ADAM32: variants seen among roughly 807,000 people sequenced by gnomAD.
The protein encoded by ADAM32 is disintegrin and metalloproteinase domain-containing protein 32.
Under a neutral mutation model 114.9 loss-of-function variants are expected in ADAM32, and 89 were observed. The ratio of observed to expected loss-of-function variants is 0.77; its 90% CI spans 0.65 to 0.92. The LOEUF is 0.92. Among genes scored for constraint, ADAM32 ranks in the 40% least tolerant of loss-of-function variants. The probability of loss-of-function intolerance (pLI) is 0.00; values close to 1 mark genes in which losing one functional copy is unlikely to be tolerated. For missense variants in ADAM32, 870 were observed against 932.8 expected (o/e 0.93, Z 0.88); for synonymous variants, 285 against 307.5 (o/e 0.93, Z 0.77).
chr8:39,157,756 T>C, intron 6 of ADAM32: 1 of 1,380,912 alleles, frequency 7.2e-7, no homozygotes, highest in Non-Finnish European at 1.0e-6. Context: ...CATGACAAAG[T>C]CATTGGTCAC....
chr8:39,187,623 C>A (rs1029219621), intron 11 of ADAM32, among the ~76,000 whole-genome samples: 2 of 151,834 alleles, frequency 1.3e-5, no homozygotes, highest in Non-Finnish European at 2.9e-5. Flanking sequence ...TTGTTTTAGA[C>A]AAGGTGTTTT....
At chr8:39,238,408 G>A (rs1282450000) in intron 16 of ADAM32, among the ~76,000 whole-genome samples, 1 of 152,178 alleles carries the variant, frequency 6.6e-6, no homozygotes, top group Non-Finnish European at 1.5e-5. Flanking sequence ...ATTACCCTGT[G>A]GGACAAAAGA....
chr8:39,176,763 T>G (rs1299724829), intron 10 of ADAM32, among the ~76,000 whole-genome samples: 3 of 152,156 alleles, frequency 2.0e-5, no homozygotes, highest in African/African-American at 7.2e-5. Context: ...GTCTCAATGA[T>G]TTGTCTAATA....
At chr8:39,227,114 GGACCCACA>G (rs998245270) in intron 14 of ADAM32, among the ~76,000 whole-genome samples, 6 of 152,112 alleles carry the variant, frequency 3.9e-5, no homozygotes, top group Non-Finnish European at 2.9e-5. Context: ...AATCCTGAGA[GGACCCACA>G]GACCCTCTAA....
chr8:39,161,282 T>C (rs1181605375), intron 7 of ADAM32, among the ~76,000 whole-genome samples: 1 of 152,230 alleles, frequency 6.6e-6, no homozygotes, highest in Non-Finnish European at 1.5e-5. Context: ...AATTCTATTT[T>C]AGGGAAGTTT....
intron 16 of ADAM32, among the ~76,000 whole-genome samples, chr8:39,243,578 A>T (rs1810702673): frequency 6.6e-6 from 1 of 152,202 alleles, no homozygotes; most frequent in South Asian, 2.1e-4. Context: ...AAAATCCAAC[A>T]TCGCTTTATG....
At chr8:39,235,544 T>C (rs943931207) in intron 16 of ADAM32, among the ~76,000 whole-genome samples, 11 of 152,186 alleles carry the variant, frequency 7.2e-5, no homozygotes, top group African/African-American at 2.7e-4. Context: ...ACCAATAAAG[T>C]CTTTGAGATG....
At position 39,142,451 on chromosome 8, in the gene ADAM32, T is replaced by C. The variant is rs1803220924; in HGVS notation, c.201-4679T>C. Among the ~76,000 whole-genome samples the C allele has an allele frequency of 2.6e-5, 4 of 152,200 alleles. No homozygotes were observed. The South Asian group carries it at 8.3e-4, about 31-fold the overall frequency. On this transcript the variant is annotated intron_variant, in intron 3 of 24. Coordinates refer to ENST00000379907, the MANE Select transcript of ADAM32 (RefSeq NM_145004.7). Reference sequence around the variant, plus strand: ...TGTCTGTAAAGTATTTTATTTCTCCTTCACTTATGAAGCTTAATTTGGCTG... The same window carrying C: ...TGTCTGTAAAGTATTTTATTTCTCCCTCACTTATGAAGCTTAATTTGGCTG...
intron 12 of ADAM32, among the ~76,000 whole-genome samples, chr8:39,215,706 T>C (rs1313603222): frequency 6.6e-6 from 1 of 152,022 alleles, no homozygotes; most frequent in Non-Finnish European, 1.5e-5. Context: ...TCAAAATTCC[T>C]CTTGTTATTC....
chr8:39,268,337 A>G (rs1463994126), intron 19 of ADAM32, among the ~76,000 whole-genome samples: 1 of 152,142 alleles, frequency 6.6e-6, no homozygotes, highest in African/African-American at 2.4e-5. Context: ...CTAATGGTTA[A>G]TCATGTTGAC....
intron 16 of ADAM32, among the ~76,000 whole-genome samples, chr8:39,243,875 C>T (rs997450847): frequency 6.6e-6 from 1 of 151,864 alleles, no homozygotes; most frequent in Admixed American, 6.6e-5. Context: ...GATCATATAC[C>T]TTGGAAACCC....
In ADAM32 at chr8:39,204,923, C is replaced by T. The variant is rs539189317; in HGVS notation, c.1053-6221C>T. Among the ~76,000 whole-genome samples, 8 of 152,354 alleles carry T rather than the reference C, an allele frequency of 5.3e-5. No homozygotes were observed. The South Asian group carries it at 1.0e-3, about 20-fold the overall frequency. ...ACCCTGTTTGCCTGGGTATCAGCAG[C>T]GGAAGCTGTAGAACAGCGAATATTG... On this transcript the variant is annotated intron_variant, in intron 11 of 24. Coordinates refer to ENST00000379907, the MANE Select transcript of ADAM32 (RefSeq NM_145004.7).
intron 9 of ADAM32, 191 bp from the exon 10 acceptor site, chr8:39,169,725 A>G (rs569273741): frequency 1.2e-4 from 52 of 442,784 alleles, no homozygotes; most frequent in Non-Finnish European, 1.6e-4. Flanking sequence ...AGAGTGTTTA[A>G]TCTAATTAAT....
chr8:39,198,083 T>C (rs1211782534), intron 11 of ADAM32, among the ~76,000 whole-genome samples: 2 of 152,132 alleles, frequency 1.3e-5, no homozygotes, highest in Non-Finnish European at 2.9e-5. Context: ...CTTGGTTTTT[T>C]TTATGTGTTT....
At chr8:39,145,580 G>T (rs1372279235) in intron 3 of ADAM32, among the ~76,000 whole-genome samples, 1 of 152,118 alleles carries the variant, frequency 6.6e-6, no homozygotes, top group Non-Finnish European at 1.5e-5. Context: ...ACTTAGAAAC[G>T]TAGAAAGACA....
chr8:39,245,029 T>C (rs1810814261), intron 16 of ADAM32, among the ~76,000 whole-genome samples: 1 of 152,132 alleles, frequency 6.6e-6, no homozygotes, highest in South Asian at 2.1e-4. Context: ...ACTAAAAAGC[T>C]TCTGCATAGC....
At chr8:39,138,341 AGG>A (rs1757938701) in intron 3 of ADAM32, among the ~76,000 whole-genome samples, 1 of 149,284 alleles carries the variant, frequency 6.7e-6, no homozygotes, top group African/African-American at 2.5e-5. Context: ...ACCCCCCAAC[AGG>A]CCCTGGTGTG....
At chr8:39,116,647 AG>A (rs1840389885) in intron 1 of ADAM32, among the ~76,000 whole-genome samples, 1 of 152,100 alleles carries the variant, frequency 6.6e-6, no homozygotes, top group Non-Finnish European at 1.5e-5. Flanking sequence ...CAGAAACTAT[AG>A]GGTTTTCTAG....
intron 12 of ADAM32, among the ~76,000 whole-genome samples, chr8:39,214,630 C>G (rs937959259): frequency 6.6e-6 from 1 of 152,060 alleles, no homozygotes; most frequent in Non-Finnish European, 1.5e-5. Context: ...TCCTCCCATT[C>G]TGTGGGTTGT....
Sources: allele counts gnomAD v4.1 joint callset (sites outside exome capture counted in the v4.1 genomes callset), GRCh38; gene constraint gnomAD v4.1.1; transcripts MANE v1.5; gene names NCBI Gene and HGNC (gene_info 2026-07-23, HGNC 2026-07-21).